TTC19: variants seen among roughly 807,000 people sequenced by gnomAD.
TTC19 encodes tetratricopeptide repeat domain 19.
Under a neutral mutation model 49.5 loss-of-function variants are expected in TTC19, and 38 were observed. That is an observed-to-expected ratio of 0.77 (90% CI 0.59 to 1.01). TTC19 has a LOEUF of 1.01. Among genes scored for constraint, TTC19 ranks in the 50% least tolerant of loss-of-function variants. The pLI is 0.00. For missense variants in TTC19, 475 were observed against 477.7 expected (o/e 0.99, Z 0.05); for synonymous variants, 204 against 185.2 (o/e 1.10, Z -0.83).
At chr17:16,021,766 C>T (rs1971391927) in intron 7 of TTC19, among the ~76,000 whole-genome samples, 1 of 152,080 alleles carries the variant, frequency 6.6e-6, no homozygotes, top group Non-Finnish European at 1.5e-5. Flanking sequence ...GGGATGAGGC[C>T]TGCTTTTTTA....
chr17:16,008,096 C>T (rs903386971), intron 7 of TTC19, among the ~76,000 whole-genome samples: 2 of 152,202 alleles, frequency 1.3e-5, no homozygotes, highest in Non-Finnish European at 2.9e-5. Flanking sequence ...AATGTTGGCA[C>T]GCCTTAGGGC....
downstream of TTC19, chr17:16,030,865 G>GAGT (rs1248507444): frequency 5.3e-6 from 1 of 189,016 alleles, no homozygotes; most frequent in Non-Finnish European, 1.1e-5. Context: ...TAAAAGCCTT[G>GAGT]AGTACTTTTG....
rs1240316387 is a variant in TTC19 at position 16,029,285 on chromosome 17, T to TC, written c.*1764dup. On this transcript the variant is annotated 3_prime_UTR_variant, in exon 10 of 10. Transcript: ENST00000261647. Reference sequence around the variant, plus strand: ...TTCATGTGGGTGTTTTCATTACAGTTCATTTACACTGTTGTAAAATAAGGT... The same window carrying TC: ...TTCATGTGGGTGTTTTCATTACAGTTCCATTTACACTGTTGTAAAATAAGGT... 7 of 451,922 alleles carry TC rather than the reference T, an allele frequency of 1.5e-5. No homozygotes were observed. The highest frequency in any genetic ancestry group is 1.4e-4 in the African/African-American group (7 of 49,948). The allele number at this position is 451,922 out of a possible 1,614,324, so 28.0% of individuals were successfully genotyped here.
chr17:16,016,758 A>G (rs1404597790), intron 7 of TTC19, among the ~76,000 whole-genome samples: 1 of 151,926 alleles, frequency 6.6e-6, no homozygotes. Context: ...GGGTTTCACC[A>G]TGTTGTCCAG....
At chr17:16,014,403 G>A (rs911147588) in intron 7 of TTC19, among the ~76,000 whole-genome samples, 1 of 152,206 alleles carries the variant, frequency 6.6e-6, no homozygotes, top group African/African-American at 2.4e-5. Flanking sequence ...GTAATAGTGA[G>A]CCGTCTCACT....
chr17:16,041,417 T>TTTTTTC (rs1379472505), intron 2 of TTC19: 60 of 149,054 alleles, frequency 4.0e-4, no homozygotes, highest in Non-Finnish European at 6.7e-4. Flanking sequence ...TTTTTTTTTT[T>TTTTTTC]TTTTTCCTTT....
chr17:16,023,530 C>T (rs756625419), intron 7 of TTC19: 26 of 152,138 alleles, frequency 1.7e-4, no homozygotes, highest in Non-Finnish European at 3.7e-4. Flanking sequence ...TCGCTGAAGA[C>T]GTCAAATCCT....
Position 16,000,002 on chromosome 17 carries a change from C to A in TTC19, c.154C>A (p.Arg52=). 8.0e-7 allele frequency: 1 copy of A among 1,255,934 alleles called. No homozygotes were observed. The allele number at this position is 1,255,934 out of a possible 1,614,324, so 77.8% of individuals were successfully genotyped here. Residue 52 remains arginine (R), a synonymous_variant, in exon 1 of 10, where the codon CGG becomes AGG. Transcript: ENST00000261647. ...GCCATCCCGAGTCGCGCCGCACGGC[C>A]GGGGCCCAGGCCTGCTGCCGCTGCT... The part of the protein sequence containing the change: ...VPPSRVAPHG[R]GPGLLPLLAA...
intron 2 of TTC19, chr17:16,034,813 G>A: frequency 1.2e-6 from 2 of 1,614,078 alleles, no homozygotes; most frequent in Non-Finnish European, 1.7e-6. Flanking sequence ...GTCTGCCTAT[G>A]GTAATCCCCT....
At chr17:16,006,921 T>A (rs1226130022) in intron 7 of TTC19, among the ~76,000 whole-genome samples, 3 of 152,182 alleles carry the variant, frequency 2.0e-5, no homozygotes, top group Non-Finnish European at 4.4e-5. Flanking sequence ...GTTTTAGCCC[T>A]AGATATACAG....
intron 5 of TTC19, 108 bp from the exon 6 acceptor site, chr17:16,004,093 G>A (rs1970822872): frequency 8.1e-7 from 1 of 1,236,326 alleles, no homozygotes; most frequent in African/African-American, 1.5e-5. Context: ...CACTCTAAAA[G>A]AATAAAGACT....
Position 16,000,204 on chromosome 17 carries a change from G to A in TTC19, c.271G>A (p.Glu91Lys). The A allele has an allele frequency of 6.3e-7, 1 of 1,594,772 alleles. No homozygotes were observed. Among genetic ancestry groups the A allele is most frequent in the Non-Finnish European group, 8.5e-7 (1 of 1,178,978 alleles). Residue 91 changes from glutamate (E) to lysine (K), a missense_variant, in exon 2 of 10, where the codon GAG (glutamate) becomes AAG (lysine). Coordinates refer to ENST00000261647, the MANE Select transcript of TTC19 (RefSeq NM_017775.4). ...DGAAAEDGAD[E>K]AEAEIIQLLK... is the part of the protein sequence containing the mutation. Reference sequence around the variant, plus strand: ...GGCCGCTGCCGAGGACGGGGCGGACGAGGCCGAGGCAGAGATCATCCAGCT... The same window carrying A: ...GGCCGCTGCCGAGGACGGGGCGGACAAGGCCGAGGCAGAGATCATCCAGCT...
In TTC19 at chr17:16,004,249, G is replaced by A. The variant is rs146736800; in HGVS notation, c.568G>A (p.Ala190Thr). 1.1e-5 allele frequency: 17 copies of A among 1,614,092 alleles called. No individual in the cohort carries two copies. The African/African-American group carries it at 1.9e-4, about 18-fold the overall frequency. ...TTCCCTAAAGCTGGCCAGTATCTAT[G>A]CTGCGCAGAACAGGTAAGTACAGCA... ...EISLKLASIYAAQNRQEFAVA... is the reference protein window; with the variant it reads ...EISLKLASIYTAQNRQEFAVA... The change falls in exon 6 of 10, where the codon GCT becomes ACT. Residue 190 changes from alanine (A) to threonine (T), a missense_variant. Coordinates refer to ENST00000261647, the MANE Select transcript of TTC19 (RefSeq NM_017775.4).
chr17:16,040,677 C>G lies in TTC19; in HGVS notation c.248-3826C>G, dbSNP rs550425925. 756 of 630,338 alleles carry G rather than the reference C, an allele frequency of 1.2e-3. 2 individuals carry two copies. Among genetic ancestry groups the G allele is most frequent in the Non-Finnish European group, 1.9e-3 (662 of 351,832 alleles). 39.0% of individuals were successfully genotyped at this position (630,338 alleles called of 1,614,324 possible). A position where few individuals can be genotyped will look rare whatever the true frequency, so the allele number is the denominator to read the frequency against. ...TTTTTTTTTGAGACAGGGTCTCACT[C>G]TGTTGCCCAGGCTATTTTTAAAGGG... On this transcript the variant is annotated intron_variant, in intron 2 of 2. Coordinates refer to the TTC19 transcript ENST00000470649.
At chr17:16,033,663 CTG>C (rs538333292), downstream of TTC19, among the ~76,000 whole-genome samples, 475 of 140,284 alleles carry the variant, frequency 3.4e-3, 2 homozygotes, top group African/African-American at 0.012. Context: ...TTTTAAAAGT[CTG>C]TTGCTTTTTA....
chr17:16,038,604 T>A (rs1448653770), intron 2 of TTC19, among the ~76,000 whole-genome samples: 1 of 152,062 alleles, frequency 6.6e-6, no homozygotes, highest in Non-Finnish European at 1.5e-5. Flanking sequence ...ACCCAGCTAA[T>A]TTTTGTAATT....
intron 8 of TTC19, among the ~76,000 whole-genome samples, chr17:16,025,571 A>G (rs2157992): frequency 0.47 from 71,515 of 152,024 alleles, 17,578 homozygotes; most frequent in Middle Eastern, 0.6. Context: ...TAAAATGGCA[A>G]GAGGTGAGGG....
chr17:16,029,897 G>A (rs1245032370), downstream of TTC19: 1 of 153,676 alleles, frequency 6.5e-6, no homozygotes, highest in Non-Finnish European at 1.5e-5. Flanking sequence ...GGGTCCTCAG[G>A]TAGAACTGCA....
At chr17:16,044,803 C>T in exon 3 of TTC19, 1 of 1,114,536 alleles carries the variant, frequency 9.0e-7, no homozygotes. Context: ...GCCTCATCTA[C>T]AATGTAGGGG....
Sources: gnomAD v4.1 joint callset for allele counts (sites outside exome capture counted in the v4.1 genomes callset) on GRCh38, gnomAD v4.1.1 for gene constraint, MANE v1.5 for transcripts, NCBI Gene and HGNC (gene_info 2026-07-23, HGNC 2026-07-21) for gene names.